SBF2: variants seen among roughly 807,000 people sequenced by gnomAD.
SBF2 encodes the protein myotubularin-related protein 13.
A neutral mutation model predicts 225.2 loss-of-function variants in SBF2; 112 were observed. That is an observed-to-expected ratio of 0.50 (90% confidence interval 0.43 to 0.58). The LOEUF is 0.58. Among genes scored for constraint, SBF2 ranks in the 20% least tolerant of loss-of-function variants. SBF2 has a pLI of 0.00. For missense variants in SBF2, 1,996 were observed against 2,206.2 expected (o/e 0.90, Z 1.91); for synonymous variants, 763 against 773.3 (o/e 0.99, Z 0.22).
intron 6 of SBF2, among the ~76,000 whole-genome samples, chr11:10,020,511 T>C (rs1434626548): frequency 6.6e-6 from 1 of 152,114 alleles, no homozygotes; most frequent in Non-Finnish European, 1.5e-5. Flanking sequence ...GTTGCCCGCT[T>C]GGCCCAATTC....
At chr11:9,931,736 G>A (rs977839210) in intron 16 of SBF2, among the ~76,000 whole-genome samples, 3 of 152,168 alleles carry the variant, frequency 2.0e-5, no homozygotes, top group South Asian at 2.1e-4. Flanking sequence ...CCAAAGGATC[G>A]CAGCTCCTCC....
chr11:10,247,544 A>C (rs1959929996), intron 1 of SBF2, among the ~76,000 whole-genome samples: 1 of 143,480 alleles, frequency 7.0e-6, no homozygotes, highest in Non-Finnish European at 1.6e-5. Flanking sequence ...AAAAAAAAAA[A>C]TTAGCCAGGC....
At chr11:9,884,327 T>A (rs1860077959) in intron 17 of SBF2, among the ~76,000 whole-genome samples, 1 of 152,342 alleles carries the variant, frequency 6.6e-6, no homozygotes, top group East Asian at 1.9e-4. Context: ...GAGCCAATAA[T>A]CTGGACCTTT....
chr11:10,291,613 T>G (rs1964161053), intron 1 of SBF2, among the ~76,000 whole-genome samples: 1 of 151,746 alleles, frequency 6.6e-6, no homozygotes. Flanking sequence ...TAGTGACTTT[T>G]TCCGAATAGA....
In SBF2 at chr11:10,294,213, GC is replaced by G; in HGVS notation, c.-145del. 1.8e-6 allele frequency: 1 copy of G among 560,048 alleles called. No individual in the cohort carries two copies. The highest frequency in any genetic ancestry group is 2.6e-6 in the Non-Finnish European group (1 of 377,458). 34.7% of individuals were successfully genotyped at this position (560,048 alleles called of 1,614,324 possible). A position where few individuals can be genotyped will look rare whatever the true frequency, so the allele number is the denominator to read the frequency against. ...TTCAGCCATGTTTGACAACCGAGGCGCGCTCTGCGCTTGCGCGGCGCCTAGT... is the reference window on the plus strand; with the variant it reads ...TTCAGCCATGTTTGACAACCGAGGCGGCTCTGCGCTTGCGCGGCGCCTAGT... On this transcript the variant is annotated 5_prime_UTR_variant, in exon 1 of 40. Transcript: ENST00000256190.
chr11:10,130,833 CCTGA>C (rs753022888), intron 2 of SBF2, among the ~76,000 whole-genome samples: 12 of 152,014 alleles, frequency 7.9e-5, no homozygotes, highest in Non-Finnish European at 1.8e-4. Context: ...ACATAATGCT[CCTGA>C]CTGAGATCTG....
intron 16 of SBF2, chr11:9,929,025 G>C (rs566753891): frequency 1.7e-5 from 8 of 465,754 alleles, no homozygotes; most frequent in African/African-American, 1.6e-4. Context: ...TGAACATACA[G>C]TGCAGTGCTT....
At chr11:10,160,959 G>A (rs981576828) in intron 2 of SBF2, among the ~76,000 whole-genome samples, 2 of 152,032 alleles carry the variant, frequency 1.3e-5, no homozygotes, top group Non-Finnish European at 2.9e-5. Flanking sequence ...GGCCAAGATG[G>A]GCAGATCACT....
At position 9,962,004 on chromosome 11, in the gene SBF2, G is replaced by A; in HGVS notation, c.1813C>T (p.His605Tyr). 6.2e-7 allele frequency: 1 copy of A among 1,613,984 alleles called. No homozygotes were observed. Among genetic ancestry groups the A allele is most frequent in the Non-Finnish European group, 8.5e-7 (1 of 1,179,882 alleles). Residue 605 changes from histidine to tyrosine, a missense_variant, in exon 16 of 40, where the codon CAT becomes TAT. Physicochemically the swap from His to Tyr is moderately conservative, Grantham distance 83. Coordinates refer to ENST00000256190, the MANE Select transcript of SBF2 (RefSeq NM_030962.4). ...CTTATTATGTAGTCAAACTGTTGAT[G>A]GTCTAATATTGCCCGGTTTTGCTGG... is the stretch of plus-strand genomic sequence containing the variant. ...HVQQNRAILD[H>Y]QQFDYIIRMM...
chr11:9,913,576 A>G (rs193027947), intron 16 of SBF2, among the ~76,000 whole-genome samples: 4 of 152,204 alleles, frequency 2.6e-5, no homozygotes, highest in Non-Finnish European at 4.4e-5. Context: ...ACACTTATAT[A>G]CAAGTGTACT....
At chr11:10,144,634 T>C (rs546835438) in intron 2 of SBF2, among the ~76,000 whole-genome samples, 20 of 152,378 alleles carry the variant, frequency 1.3e-4, no homozygotes, top group African/African-American at 4.3e-4. Context: ...AGTGAACATA[T>C]GTAAGTATAA....
At chr11:10,296,053 C>T (rs1964530519), upstream of SBF2, among the ~76,000 whole-genome samples, 2 of 152,184 alleles carry the variant, frequency 1.3e-5, no homozygotes, top group Non-Finnish European at 2.9e-5. Context: ...ATTCTCCCCT[C>T]CCACAGCCCC....
chr11:9,975,747 A>G (rs1283162858), intron 13 of SBF2, among the ~76,000 whole-genome samples: 1 of 152,166 alleles, frequency 6.6e-6, no homozygotes, highest in East Asian at 1.9e-4. Context: ...ATCATTATCT[A>G]TATAAGTCGT....
intron 2 of SBF2, among the ~76,000 whole-genome samples, chr11:10,135,750 A>C (rs1476433961): frequency 2.0e-5 from 3 of 152,136 alleles, no homozygotes; most frequent in Non-Finnish European, 4.4e-5. Flanking sequence ...CCATATCACT[A>C]TCAGCATTTT....
chr11:9,871,760 G>A (rs1442348832), intron 17 of SBF2, among the ~76,000 whole-genome samples: 1 of 151,932 alleles, frequency 6.6e-6, no homozygotes, highest in African/African-American at 2.4e-5. Context: ...CAAAGTGCTG[G>A]GATTACAGGC....
chr11:10,189,950 G>A (rs569789056), intron 2 of SBF2, among the ~76,000 whole-genome samples: 6 of 152,168 alleles, frequency 3.9e-5, no homozygotes, highest in South Asian at 2.1e-4. Flanking sequence ...TCAGGAGTTC[G>A]AGACCAGCCT....
intron 12 of SBF2, among the ~76,000 whole-genome samples, chr11:9,991,102 A>G (rs1343237222): frequency 6.6e-6 from 1 of 152,234 alleles, no homozygotes; most frequent in Non-Finnish European, 1.5e-5. Context: ...GAGAGCATCT[A>G]TTTTAATCCC....
At chr11:10,167,105 G>A (rs1329017286) in intron 2 of SBF2, among the ~76,000 whole-genome samples, 1 of 152,010 alleles carries the variant, frequency 6.6e-6, no homozygotes, top group Non-Finnish European at 1.5e-5. Context: ...GCAAATATCT[G>A]ACTATATTTC....
intron 6 of SBF2, among the ~76,000 whole-genome samples, chr11:10,008,959 A>G (rs973452004): frequency 9.9e-5 from 15 of 152,202 alleles, no homozygotes; most frequent in African/African-American, 3.6e-4. Context: ...GGTGCACATA[A>G]CCAGGAGGTT....
Sources: gnomAD v4.1 joint callset for allele counts (sites outside exome capture counted in the v4.1 genomes callset) on GRCh38, gnomAD v4.1.1 for gene constraint, MANE v1.5 for transcripts, NCBI Gene and HGNC (gene_info 2026-07-23, HGNC 2026-07-21) for gene names.